Variants in PHF6 observed in about 807,000 individuals in gnomAD.
The protein encoded by PHF6 is PHD finger protein 6, also known as PHD-like zinc finger protein.
PHF6 carries 7 observed loss-of-function variants against 34.0 expected under a neutral mutation model. That is an observed-to-expected ratio of 0.21 (90% CI 0.12 to 0.39). PHF6 has a LOEUF of 0.39. PHF6 is among the 10% of genes least tolerant of loss of function. PHF6 has a pLI of 1.00. For missense variants in PHF6, 128 were observed against 262.8 expected, an observed-to-expected ratio of 0.49 and a Z score of 3.55; for synonymous variants, 89 against 88.4, an observed-to-expected ratio of 1.01 and a Z score of -0.04.
intron 3 of PHF6, among the ~76,000 whole-genome samples, chrX:134,382,440 GC>G (rs1275709556): frequency 1.8e-5 from 2 of 111,053 alleles, no homozygotes; most frequent in Non-Finnish European, 3.8e-5. Context: ...TTATGAGTTA[GC>G]ACTGCTTTTT....
At chrX:134,404,677 C>A (rs1213161881) in intron 5 of PHF6, among the ~76,000 whole-genome samples, 2 of 111,512 alleles carry the variant, frequency 1.8e-5, no homozygotes, top group Non-Finnish European at 3.8e-5. Flanking sequence ...CGGCAAACTT[C>A]AGTGTTGTCT....
chrX:134,374,639 A>G (rs1287515601), intron 1 of PHF6, among the ~76,000 whole-genome samples: 1 of 112,477 alleles, frequency 8.9e-6, no homozygotes, highest in African/African-American at 3.2e-5. Flanking sequence ...TTCAGATACC[A>G]GGCATTGATG....
At chrX:134,387,920 C>T (rs1461716361) in intron 3 of PHF6, among the ~76,000 whole-genome samples, 2 of 111,543 alleles carry the variant, frequency 1.8e-5, no homozygotes, top group East Asian at 5.6e-4. Context: ...TCACTGTTTT[C>T]TGGCTTTCCA....
intron 8 of PHF6, among the ~76,000 whole-genome samples, chrX:134,416,511 A>G (rs1439124634): frequency 1.8e-5 from 2 of 111,354 alleles, no homozygotes; most frequent in African/African-American, 6.5e-5. Flanking sequence ...CAGAGATAAA[A>G]GGGCATCTAG....
chrX:134,390,535 G>A (rs1320039906), intron 3 of PHF6, among the ~76,000 whole-genome samples: 1 of 112,260 alleles, frequency 8.9e-6, no homozygotes, highest in African/African-American at 3.2e-5. Flanking sequence ...TTTATAACCA[G>A]CCAAAAACTA....
chrX:134,398,786 ATGAGT>A (rs966152784), intron 5 of PHF6, among the ~76,000 whole-genome samples: 9 of 111,711 alleles, frequency 8.1e-5, no homozygotes, highest in African/African-American at 2.9e-4. Context: ...GGGAAAGTTG[ATGAGT>A]TAAGTTTGAA....
At chrX:134,417,351 C>T (rs1341594125) in intron 9 of PHF6, 49 bp downstream of exon 9, 12 of 1,151,256 alleles carry the variant, frequency 1.0e-5, no homozygotes, top group Non-Finnish European at 1.4e-5. Context: ...AGTAACCGTC[C>T]TTAAATAGAT....
At chrX:134,399,671 A>T (rs1314606064) in intron 5 of PHF6, among the ~76,000 whole-genome samples, 2 of 105,682 alleles carry the variant, frequency 1.9e-5, no homozygotes, top group East Asian at 5.8e-4. Context: ...ACACACACAG[A>T]CACACACACA....
At chrX:134,375,409 C>G (rs1421742572) in intron 1 of PHF6, among the ~76,000 whole-genome samples, 3 of 111,527 alleles carry the variant, frequency 2.7e-5, no homozygotes, top group Non-Finnish European at 3.8e-5. Context: ...GAGAAATTAG[C>G]CTGTTTATAA....
At chrX:134,397,205 T>A (rs1464090807) in intron 5 of PHF6, among the ~76,000 whole-genome samples, 1 of 112,353 alleles carries the variant, frequency 8.9e-6, no homozygotes, top group Non-Finnish European at 1.9e-5. Context: ...ACTGTGAATT[T>A]GAAAAGCAAT....
At position 134,397,580 on chromosome X, in the gene PHF6, C is replaced by T. The variant is rs750536633; in HGVS notation, c.418+3628C>T. Among the ~76,000 whole-genome samples the T allele has an allele frequency of 6.3e-5, 7 of 111,582 alleles. No individual in the cohort carries two copies. The East Asian group carries it at 8.5e-4, about 13-fold the overall frequency. ...GGGAGAATTGCTTGAACCCAGGAGG[C>T]GGAGGTTGCAGTGAACTGAGATTAC... On this transcript the variant is annotated intron_variant, in intron 5 of 10. Coordinates refer to ENST00000370803, the MANE Select transcript of PHF6 (RefSeq NM_001015877.2).
rs958739137 is a variant in PHF6 at position 134,428,123 on chromosome X, T to G, written c.*2463T>G. 1 of 157,985 alleles carries G rather than the reference T, an allele frequency of 6.3e-6. No homozygotes were observed. Among genetic ancestry groups the G allele is most frequent in the Non-Finnish European group, 1.2e-5 (1 of 80,330 alleles). 13.0% of individuals were successfully genotyped at this position (157,985 alleles called of 1,213,427 possible). On this transcript the variant is annotated 3_prime_UTR_variant, in exon 11 of 11. Transcript: ENST00000370803. ...AGCGTCTTTTTTCTTTCTTTTTTCT[T>G]TTTTTGTTTTGTTTTTTGTTATTGA...
At chrX:134,414,415 A>G (rs2124249532) in intron 7 of PHF6, among the ~76,000 whole-genome samples, 1 of 112,176 alleles carries the variant, frequency 8.9e-6, no homozygotes, top group African/African-American at 3.2e-5. Flanking sequence ...GAAGATAAGA[A>G]TAAGTTTTTA....
Position 134,427,144 on chromosome X carries a change from G to C in PHF6, c.*1484G>C. On this transcript the variant is annotated 3_prime_UTR_variant, in exon 11 of 11. Transcript: ENST00000370803. Reference sequence around the variant, plus strand: ...ATTTACTTAAATCAAGGGACTCAATGCTTGCTTTTATTTTAACCATCTTTT... The same window carrying C: ...ATTTACTTAAATCAAGGGACTCAATCCTTGCTTTTATTTTAACCATCTTTT... The C allele has an allele frequency of 1.2e-5, 2 of 164,827 alleles. No individual in the cohort carries two copies. Among genetic ancestry groups the C allele is most frequent in the Non-Finnish European group, 2.4e-5 (2 of 84,755 alleles). 13.6% of individuals were successfully genotyped at this position (164,827 alleles called of 1,213,427 possible).
At chrX:134,393,861 GTTTAA>G in intron 4 of PHF6, 43 bp from the exon 5 acceptor site, 7 of 1,118,353 alleles carry the variant, frequency 6.3e-6, no homozygotes, top group Non-Finnish European at 8.6e-6. Flanking sequence ...TGAAAAGTGA[GTTTAA>G]TTTAGTTTGC....
At chrX:134,413,341 T>C in intron 5 of PHF6, 150 bp from the exon 6 acceptor site, 1 of 446,957 alleles carries the variant, frequency 2.2e-6, no homozygotes, top group Non-Finnish European at 3.8e-6. Context: ...ATCTGAAACA[T>C]TGGGTGGCTT....
intron 7 of PHF6, 35 bp downstream of exon 7, chrX:134,414,001 T>G: frequency 8.4e-7 from 1 of 1,187,678 alleles, no homozygotes; most frequent in Non-Finnish European, 1.1e-6. Context: ...ATTTTGTTTT[T>G]TTGTTGTTTG....
At chrX:134,405,897 G>A (rs12843702) in intron 5 of PHF6, among the ~76,000 whole-genome samples, 2,871 of 107,047 alleles carry the variant, frequency 0.027, 56 homozygotes, top group Non-Finnish European at 0.04. Flanking sequence ...GAAAAAGCAG[G>A]AAGCTGAGTT....
chrX:134,382,204 T>G (rs187923572), intron 3 of PHF6, among the ~76,000 whole-genome samples: 41 of 112,023 alleles, frequency 3.7e-4, no homozygotes, highest in African/African-American at 1.3e-3. Flanking sequence ...TTTCATCTCC[T>G]TTACACGGTC....
Sources: allele counts gnomAD v4.1 joint callset (sites outside exome capture counted in the v4.1 genomes callset), GRCh38; gene constraint gnomAD v4.1.1; transcripts MANE v1.5; gene names NCBI Gene and HGNC (gene_info 2026-07-23, HGNC 2026-07-21).